E2F5: variants seen among roughly 807,000 people sequenced by gnomAD.
E2F5 encodes the protein E2F transcription factor 5.
E2F5 carries 23 observed loss-of-function variants against 39.1 expected under a neutral mutation model. That is an observed-to-expected ratio of 0.59 (90% confidence interval 0.42 to 0.83). The LOEUF (loss-of-function observed/expected upper bound fraction) is 0.83, where lower values mean the gene tolerates loss of function less well. E2F5 is among the 40% of genes least tolerant of loss of function. E2F5 has a pLI of 0.00. For synonymous variants in E2F5, 145 were observed against 157.8 expected, an observed-to-expected ratio of 0.92 and a Z score of 0.61; for missense variants, 365 against 406.7, an observed-to-expected ratio of 0.90 and a Z score of 0.88.
At chr8:85,194,533 CTTTT>C (rs753685580) in intron 1 of E2F5, among the ~76,000 whole-genome samples, 1 of 128,000 alleles carries the variant, frequency 7.8e-6, no homozygotes, top group African/African-American at 3.0e-5. Context: ...GTTTGTTTCT[CTTTT>C]TTTTTTTTTT....
At chr8:85,213,012 C>T (rs1363790561) in intron 7 of E2F5, 1 of 151,244 alleles carries the variant, frequency 6.6e-6, no homozygotes, top group East Asian at 2.0e-4. Flanking sequence ...ATTCTCCTGG[C>T]TCAGCCTCCC....
chr8:85,211,497 T>C (rs1366697636), intron 6 of E2F5, among the ~76,000 whole-genome samples: 1 of 151,982 alleles, frequency 6.6e-6, no homozygotes, highest in Non-Finnish European at 1.5e-5. Flanking sequence ...GTAGGCAAAA[T>C]AACATTTGAT....
At chr8:85,183,373 C>CAA (rs1812262879) in intron 1 of E2F5, among the ~76,000 whole-genome samples, 1 of 152,150 alleles carries the variant, frequency 6.6e-6, no homozygotes, top group South Asian at 2.1e-4. Context: ...TGCATGCTTA[C>CAA]AAATTCTCAG....
chr8:85,211,270 T>A (rs903047166), intron 6 of E2F5, among the ~76,000 whole-genome samples: 18 of 149,496 alleles, frequency 1.2e-4, no homozygotes, highest in Non-Finnish European at 2.5e-4. Flanking sequence ...CATTGTGACG[T>A]GTGCCTGTGG....
At chr8:85,196,158 T>C (rs1812574229) in intron 1 of E2F5, among the ~76,000 whole-genome samples, 1 of 152,228 alleles carries the variant, frequency 6.6e-6, no homozygotes. Flanking sequence ...ATGCGGCTCC[T>C]GGAGGGAGCG....
At chr8:85,189,395 G>A (rs1812413486) in intron 1 of E2F5, among the ~76,000 whole-genome samples, 1 of 151,876 alleles carries the variant, frequency 6.6e-6, no homozygotes, top group African/African-American at 2.4e-5. Flanking sequence ...TATTTTTGAG[G>A]CAGAGTCTCT....
At position 85,202,265 on chromosome 8, in the gene E2F5, C is replaced by T. The variant is rs777146025; in HGVS notation, c.344+9C>T. ...AACAGTATCCAGTGGAAGTAAGTTA[C>T]AAACCAGCACCCTCTTCTGAAACCT... On this transcript the variant is annotated intron_variant, in intron 2 of 7. Transcript: ENST00000416274. 1.3e-6 allele frequency: 2 copies of T among 1,570,930 alleles called. No homozygotes were observed. Among genetic ancestry groups the T allele is most frequent in the East Asian group, 2.3e-5 (1 of 44,270 alleles).
intron 1 of E2F5, among the ~76,000 whole-genome samples, chr8:85,186,363 G>C (rs910509184): frequency 8.6e-5 from 13 of 151,996 alleles, no homozygotes; most frequent in African/African-American, 2.7e-4. Context: ...TTCAGGGTTG[G>C]GGGGCTAGGG....
At position 85,209,155 on chromosome 8, in the gene E2F5, A is replaced by G. The variant is rs1410295072; in HGVS notation, c.629A>G (p.Gln210Arg). 6.2e-7 allele frequency: 1 copy of G among 1,613,962 alleles called. No individual in the cohort carries two copies. The highest frequency in any genetic ancestry group is 8.5e-7 in the Non-Finnish European group (1 of 1,179,828). Residue 210 changes from glutamine to arginine, a missense_variant, in exon 6 of 8, where the codon CAA (glutamine) becomes CGA (arginine). Coordinates refer to ENST00000416274, the MANE Select transcript of E2F5 (RefSeq NM_001951.4). Reference protein sequence around the residue: ...VPIPEMGQNGQKKYQINLKSH... With the variant: ...VPIPEMGQNGRKKYQINLKSH... ...ATAACTTCAAAGGGTCAGAATGGAC[A>G]AAAGAAATACCAGATCAATCTAAAG... is the stretch of plus-strand genomic sequence containing the variant.
intron 5 of E2F5, among the ~76,000 whole-genome samples, chr8:85,207,874 T>C (rs952497420): frequency 6.6e-6 from 1 of 152,230 alleles, no homozygotes; most frequent in Non-Finnish European, 1.5e-5. Context: ...ATATTGTGTT[T>C]AGACTTGGGT....
intron 1 of E2F5, among the ~76,000 whole-genome samples, chr8:85,193,079 A>G (rs1480768892): frequency 6.6e-6 from 1 of 152,274 alleles, no homozygotes; most frequent in Non-Finnish European, 1.5e-5. Flanking sequence ...ATGTATACAT[A>G]CATACATAAA....
At chr8:85,183,965 C>T (rs534304795) in intron 1 of E2F5, among the ~76,000 whole-genome samples, 18 of 152,120 alleles carry the variant, frequency 1.2e-4, no homozygotes, top group Non-Finnish European at 2.1e-4. Flanking sequence ...AGAGATGCCT[C>T]AGATGCTGCC....
chr8:85,197,461 T>C lies in E2F5; in HGVS notation c.235-4686T>C, dbSNP rs148088919. On this transcript the variant is annotated intron_variant, in intron 1 of 7. Coordinates refer to ENST00000416274, the MANE Select transcript of E2F5 (RefSeq NM_001951.4). ...TTATTAAAGCCGTTTTTAGCACTTA[T>C]GGACTACCTATCTCAGCTTTCCTGG... 6.0e-4 allele frequency among the ~76,000 whole-genome samples: 92 copies of C among 152,340 alleles called. No individual in the cohort carries two copies. The East Asian group carries it at 0.016, about 26-fold the overall frequency.
rs751410417 is a variant in E2F5 at position 85,214,110 on chromosome 8, G to T, written c.*248G>T. 1.7e-6 allele frequency: 1 copy of T among 572,786 alleles called. No individual in the cohort carries two copies. Among genetic ancestry groups the T allele is most frequent in the South Asian group, 1.6e-5 (1 of 63,976 alleles). 35.5% of individuals were successfully genotyped at this position (572,786 alleles called of 1,614,324 possible). ...CACTCCCAAAAGTAACTATATTCTG[G>T]ATTTCAACTTTTCTTCTAATTGTGA... On this transcript the variant is annotated 3_prime_UTR_variant, in exon 8 of 8. Coordinates refer to ENST00000416274, the MANE Select transcript of E2F5 (RefSeq NM_001951.4).
intron 1 of E2F5, among the ~76,000 whole-genome samples, chr8:85,194,992 G>A (rs1397785146): frequency 6.6e-6 from 1 of 152,040 alleles, no homozygotes; most frequent in African/African-American, 2.4e-5. Context: ...TGAGGAATTT[G>A]AGGCTAAGTA....
intron 1 of E2F5, among the ~76,000 whole-genome samples, chr8:85,186,751 G>T (rs1352975786): frequency 6.8e-6 from 1 of 146,254 alleles, no homozygotes; most frequent in Non-Finnish European, 1.5e-5. Flanking sequence ...TATATATATG[G>T]TATATATAAG....
intron 1 of E2F5, among the ~76,000 whole-genome samples, chr8:85,190,261 C>T (rs1812431759): frequency 6.6e-6 from 1 of 152,074 alleles, no homozygotes; most frequent in Admixed American, 6.6e-5. Context: ...CACACACACA[C>T]CCCACCACCA....
At chr8:85,199,666 G>T (rs1442600023) in intron 1 of E2F5, among the ~76,000 whole-genome samples, 2 of 152,122 alleles carry the variant, frequency 1.3e-5, no homozygotes, top group Non-Finnish European at 2.9e-5. Flanking sequence ...AGGTAAATCT[G>T]TATACACACA....
In E2F5 at chr8:85,206,193, C is replaced by G. The variant is rs1812799958; in HGVS notation, c.523C>G (p.His175Asp). 4 of 1,613,256 alleles carry G rather than the reference C, an allele frequency of 2.5e-6. No individual in the cohort carries two copies. Among genetic ancestry groups the G allele is most frequent in the Non-Finnish European group, 3.4e-6 (4 of 1,179,600 alleles). Residue 175 changes from histidine (H) to aspartate (D), a missense_variant, in exon 4 of 8, where the codon CAT becomes GAT. Coordinates refer to ENST00000416274, the MANE Select transcript of E2F5 (RefSeq NM_001951.4). Reference sequence around the variant, plus strand: ...TGACAGTACATTTTCCTATGTAACTCATGAAGACATCTGTAATTGCTTTAA... The same window carrying G: ...TGACAGTACATTTTCCTATGTAACTGATGAAGACATCTGTAATTGCTTTAA... Reference protein sequence around the residue: ...SINNRFSYVTHEDICNCFNGD... With the variant: ...SINNRFSYVTDEDICNCFNGD...
Sources: gnomAD v4.1 joint callset for allele counts (sites outside exome capture counted in the v4.1 genomes callset) on GRCh38, gnomAD v4.1.1 for gene constraint, MANE v1.5 for transcripts, NCBI Gene and HGNC (gene_info 2026-07-23, HGNC 2026-07-21) for gene names.